The following CCSER2 variants were observed in gnomAD, a reference collection of about 807,000 sequenced individuals.
CCSER2 encodes serine-rich coiled-coil domain-containing protein 2.
A neutral mutation model predicts 92.3 loss-of-function variants in CCSER2; 46 were observed. That is an observed-to-expected ratio of 0.50 (90% confidence interval 0.39 to 0.64). The LOEUF (loss-of-function observed/expected upper bound fraction) is 0.64. Among genes scored for constraint, CCSER2 ranks in the 30% least tolerant of loss-of-function variants. CCSER2 has a pLI of 0.00. For missense variants in CCSER2, 1,244 were observed against 1,238.9 expected (o/e 1.00, Z -0.06); for synonymous variants, 433 against 431.4 (o/e 1.00, Z -0.04).
chr10:84,406,055 C>T (rs1842359979), intron 3 of CCSER2, among the ~76,000 whole-genome samples: 2 of 152,198 alleles, frequency 1.3e-5, no homozygotes, highest in Admixed American at 6.5e-5. Flanking sequence ...AAATATCCTT[C>T]ATTAGTAAAC....
intron 1 of CCSER2, among the ~76,000 whole-genome samples, chr10:84,343,903 T>C (rs745968067): frequency 6.6e-6 from 1 of 152,188 alleles, no homozygotes; most frequent in Non-Finnish European, 1.5e-5. Flanking sequence ...ATTTGAGTAT[T>C]AGTGTGTGGA....
At chr10:84,384,829 T>G (rs1030866621) in intron 3 of CCSER2, among the ~76,000 whole-genome samples, 6 of 152,210 alleles carry the variant, frequency 3.9e-5, no homozygotes, top group African/African-American at 1.4e-4. Context: ...ATTATCTGTT[T>G]GTTGTTGATA....
intron 1 of CCSER2, among the ~76,000 whole-genome samples, chr10:84,364,752 T>A (rs1481209224): frequency 1.3e-5 from 2 of 151,470 alleles, no homozygotes; most frequent in Non-Finnish European, 3.0e-5. Flanking sequence ...TTTTGTTTTT[T>A]TTTTTTTGAG....
chr10:84,484,055 G>A (rs1847653443), intron 9 of CCSER2, among the ~76,000 whole-genome samples: 1 of 143,052 alleles, frequency 7.0e-6, no homozygotes, highest in South Asian at 2.2e-4. Flanking sequence ...CTCACTGCAA[G>A]CTCCACCTCC....
At chr10:84,411,602 C>T (rs773797245) in intron 3 of CCSER2, among the ~76,000 whole-genome samples, 88 of 152,182 alleles carry the variant, frequency 5.8e-4, no homozygotes, top group Non-Finnish European at 1.0e-3. Flanking sequence ...TGATTTGGTT[C>T]TCAGCTTGCC....
At chr10:84,350,636 AG>A (rs1844810624) in intron 1 of CCSER2, among the ~76,000 whole-genome samples, 1 of 152,204 alleles carries the variant, frequency 6.6e-6, no homozygotes, top group Non-Finnish European at 1.5e-5. Flanking sequence ...ACAGATGGAC[AG>A]CTTAGTGTTT....
intron 9 of CCSER2, among the ~76,000 whole-genome samples, chr10:84,480,462 A>G (rs1231718815): frequency 6.6e-6 from 1 of 152,204 alleles, no homozygotes; most frequent in Non-Finnish European, 1.5e-5. Flanking sequence ...CTTTTGACAT[A>G]TTAAATTATG....
chr10:84,414,786 C>T (rs1842815020), intron 3 of CCSER2, among the ~76,000 whole-genome samples: 1 of 152,118 alleles, frequency 6.6e-6, no homozygotes, highest in South Asian at 2.1e-4. Context: ...GTATCCCAAT[C>T]AGTTATAGGT....
chr10:84,360,637 C>T (rs907724148), intron 1 of CCSER2, among the ~76,000 whole-genome samples: 2 of 152,176 alleles, frequency 1.3e-5, no homozygotes, highest in African/African-American at 2.4e-5. Context: ...TTTCAGTTAG[C>T]CCGCTCTTGC....
chr10:84,490,679 G>A (rs1008435491), intron 9 of CCSER2, among the ~76,000 whole-genome samples: 1 of 152,158 alleles, frequency 6.6e-6, no homozygotes, highest in African/African-American at 2.4e-5. Flanking sequence ...TTTGCATGGG[G>A]TTCGAACTTC....
chr10:84,441,748 T>G (rs12769347), intron 6 of CCSER2, among the ~76,000 whole-genome samples: 1 of 54,430 alleles, frequency 1.8e-5, no homozygotes, highest in Admixed American at 2.1e-4. Flanking sequence ...TTTTTTTTTT[T>G]TTTTTTTTTT....
Position 84,372,015 on chromosome 10 carries a change from T to C in CCSER2, c.963T>C (p.Ser321=). 1 of 1,613,858 alleles carries C rather than the reference T, an allele frequency of 6.2e-7. No individual in the cohort carries two copies. The highest frequency in any genetic ancestry group is 1.1e-5 in the South Asian group (1 of 91,070). ...TAGGTTATAGAATGGTTCATCCCTC[T>C]CTACTGAAATCTAGCCGATCTCCAT... ...STLGYRMVHP[S]LLKSSRSPFS... Residue 321 remains serine, a synonymous_variant, in exon 2 of 10, where the codon TCT becomes TCC. Coordinates refer to ENST00000372088, the MANE Select transcript of CCSER2 (RefSeq NM_001284240.2).
intron 9 of CCSER2, among the ~76,000 whole-genome samples, chr10:84,509,668 C>T (rs1369824913): frequency 6.6e-6 from 1 of 152,102 alleles, no homozygotes; most frequent in Non-Finnish European, 1.5e-5. Context: ...GGGGATAGGT[C>T]CTCATTTTGA....
intron 3 of CCSER2, among the ~76,000 whole-genome samples, chr10:84,377,532 T>G (rs1846404368): frequency 6.6e-6 from 1 of 152,234 alleles, no homozygotes; most frequent in African/African-American, 2.4e-5. Flanking sequence ...ATTTTCATTA[T>G]CGTAGCTTTA....
At chr10:84,382,692 T>G (rs1311302019) in intron 3 of CCSER2, among the ~76,000 whole-genome samples, 1 of 152,204 alleles carries the variant, frequency 6.6e-6, no homozygotes, top group African/African-American at 2.4e-5. Flanking sequence ...GGAGTGCCTT[T>G]ATTTTTGGAA....
intron 3 of CCSER2, among the ~76,000 whole-genome samples, chr10:84,380,683 G>A (rs1049719824): frequency 1.8e-4 from 27 of 148,736 alleles, no homozygotes; most frequent in African/African-American, 6.6e-4. Flanking sequence ...TGGATTCTCT[G>A]TGTTCCTTTT....
At chr10:84,496,435 G>A (rs939264731) in intron 9 of CCSER2, among the ~76,000 whole-genome samples, 21 of 152,206 alleles carry the variant, frequency 1.4e-4, no homozygotes, top group East Asian at 3.9e-4. Context: ...ACAGGCGCCC[G>A]CCACCACGCC....
intron 6 of CCSER2, among the ~76,000 whole-genome samples, chr10:84,441,538 T>A (rs1844534619): frequency 1.3e-5 from 2 of 152,242 alleles, no homozygotes; most frequent in East Asian, 3.9e-4. Flanking sequence ...AAATTTATAA[T>A]GATTCTTTGT....
At chr10:84,435,850 A>C (rs1280631609) in intron 5 of CCSER2, among the ~76,000 whole-genome samples, 1 of 152,130 alleles carries the variant, frequency 6.6e-6, no homozygotes, top group African/African-American at 2.4e-5. Flanking sequence ...GTCCTGCCTT[A>C]GGGGATTTAA....
Sources: gnomAD v4.1 joint callset for allele counts (sites outside exome capture counted in the v4.1 genomes callset) on GRCh38, gnomAD v4.1.1 for gene constraint, MANE v1.5 for transcripts, NCBI Gene and HGNC (gene_info 2026-07-23, HGNC 2026-07-21) for gene names.